Variants in NDUFS7 observed in about 807,000 individuals in gnomAD.
The protein encoded by NDUFS7 is NADH:ubiquinone oxidoreductase core subunit S7, also known as NADH dehydrogenase [ubiquinone] iron-sulfur protein 7, mitochondrial.
In NDUFS7, 11 loss-of-function variants were observed where a neutral mutation model predicts 31.1. That is an observed-to-expected ratio of 0.35 (90% CI 0.22 to 0.59). The LOEUF (loss-of-function observed/expected upper bound fraction) is 0.59. NDUFS7 is among the 20% of genes least tolerant of loss of function. The pLI, the probability that NDUFS7 is intolerant of heterozygous loss-of-function variation, is 0.79. For missense variants in NDUFS7, 263 were observed against 324.2 expected (o/e 0.81, Z 1.45); for synonymous variants, 136 against 127.9 (o/e 1.06, Z -0.43).
chr19:1,389,153 G>GCACACATGCACACTTGCA (rs759765088), intron 4 of NDUFS7: 2 of 700,052 alleles, frequency 2.9e-6, no homozygotes, highest in African/African-American at 1.8e-5. Context: ...ATGCACACTC[G>GCACACATGCACACTTGCA]CACACATGCA....
intron 6 of NDUFS7, chr19:1,392,329 T>C (rs554392339): frequency 2.0e-5 from 3 of 152,338 alleles, no homozygotes; most frequent in Non-Finnish European, 2.9e-5. Context: ...TTAAAATTTC[T>C]GTAGAGATCA....
At chr19:1,394,297 G>A in intron 7 of NDUFS7, 1 of 1,204,078 alleles carries the variant, frequency 8.3e-7, no homozygotes, top group Non-Finnish European at 1.1e-6. Flanking sequence ...CCTGTGACTT[G>A]ACAGCACAGA....
At chr19:1,389,268 C>G (rs1026664563) in intron 4 of NDUFS7, 2 of 622,804 alleles carry the variant, frequency 3.2e-6, no homozygotes, top group Non-Finnish European at 6.0e-6. Context: ...TATACACATG[C>G]ACACGCACAC....
chr19:1,390,844 C>T (rs757324088), intron 4 of NDUFS7, 27 bp from the exon 5 acceptor site: 2 of 1,601,626 alleles, frequency 1.2e-6, no homozygotes, highest in Non-Finnish European at 8.5e-7. Flanking sequence ...CCGGGGGTGG[C>T]GTCTGACCCG....
intron 7 of NDUFS7, chr19:1,394,539 G>A (rs1037230610): frequency 3.5e-5 from 44 of 1,246,282 alleles, no homozygotes; most frequent in Middle Eastern, 3.2e-4. Context: ...TGCGGACCGC[G>A]CTCCTCCCTC....
intron 7 of NDUFS7, chr19:1,394,029 C>A (rs2082575483): frequency 3.9e-6 from 1 of 258,922 alleles, no homozygotes; most frequent in South Asian, 4.2e-5. Flanking sequence ...GGAGGTGGCG[C>A]TCATGTGGGA....
chr19:1,393,378 G>A lies in NDUFS7; in HGVS notation c.544+48G>A, dbSNP rs914783845. 2 of 1,493,024 alleles carry A rather than the reference G, an allele frequency of 1.3e-6. No homozygotes were observed. Among genetic ancestry groups the A allele is most frequent in the Non-Finnish European group, 1.8e-6 (2 of 1,100,930 alleles). 92.5% of individuals were successfully genotyped at this position (1,493,024 alleles called of 1,614,324 possible). A position where few individuals can be genotyped will look rare whatever the true frequency, so the allele number is the denominator to read the frequency against. ...CACGAGGGAGCTGGAGACAGGGCCA[G>A]CGCCACACGGAGCCCGGCGGCCCCT... is the stretch of plus-strand genomic sequence containing the variant. On this transcript the variant is annotated intron_variant, in intron 7 of 7. Transcript: ENST00000233627. The surrounding 1 kb of genome is among the most constrained non-coding windows in gnomAD (Gnocchi z 7.3).
At chr19:1,391,217 C>T (rs764328283) in intron 6 of NDUFS7, 52 bp downstream of exon 6, 11 of 1,589,796 alleles carry the variant, frequency 6.9e-6, no homozygotes, top group Middle Eastern at 2.0e-4. Context: ...GAGTGCTGGC[C>T]TGGCCGTGCC....
At chr19:1,394,633 T>A in intron 7 of NDUFS7, 1 of 1,221,846 alleles carries the variant, frequency 8.2e-7, no homozygotes, top group Non-Finnish European at 1.0e-6. Context: ...CGGACCGCGC[T>A]CCTCCCTCCC....
In NDUFS7 at chr19:1,395,541, G is replaced by C; in HGVS notation, c.*53G>C. The C allele has an allele frequency of 1.9e-6, 3 of 1,545,742 alleles. No homozygotes were observed. The highest frequency in any genetic ancestry group is 1.7e-6 in the Non-Finnish European group (2 of 1,142,968). On this transcript the variant is annotated 3_prime_UTR_variant, in exon 8 of 8. Coordinates refer to ENST00000233627, the MANE Select transcript of NDUFS7 (RefSeq NM_024407.5). ...TCGCCGTCCTGTCCCCAGCCTGCTT[G>C]TGTCCCGTGAGGTTGTCAATAAACC...
intron 1 of NDUFS7, 192 bp downstream of exon 1, chr19:1,384,134 A>G: frequency 1.6e-6 from 1 of 622,016 alleles, no homozygotes; most frequent in Non-Finnish European, 2.6e-6. Context: ...CGTCCAGAGT[A>G]CAGTCGGGGA....
At chr19:1,394,112 C>T (rs1169665777) in intron 7 of NDUFS7, 1 of 339,072 alleles carries the variant, frequency 2.9e-6, no homozygotes, top group Admixed American at 4.0e-5. Flanking sequence ...GAGCCCAGCC[C>T]TGAGTCCCGA....
chr19:1,395,247 T>G, intron 7 of NDUFS7, 144 bp from the exon 8 acceptor site: 1 of 1,454,330 alleles, frequency 6.9e-7, no homozygotes, highest in Non-Finnish European at 9.1e-7. Flanking sequence ...TCCCAGTCCC[T>G]GGCACTGCGC....
intron 2 of NDUFS7, 86 bp downstream of exon 2, chr19:1,387,933 G>GGGGGGGGGGGGGT: frequency 2.6e-6 from 1 of 385,718 alleles, no homozygotes; most frequent in Non-Finnish European, 5.1e-6. Flanking sequence ...GGGGTGGGGG[G>GGGGGGGGGGGGGT]AGCGCCTTGT....
intron 2 of NDUFS7, 117 bp from the exon 3 acceptor site, chr19:1,388,408 G>C (rs1027927783): frequency 2.1e-5 from 20 of 968,018 alleles, no homozygotes; most frequent in Non-Finnish European, 2.7e-5. Flanking sequence ...AGTGTTGACA[G>C]GCAGAGGTGA....
intron 3 of NDUFS7, 68 bp downstream of exon 3, chr19:1,388,661 A>C: frequency 6.5e-7 from 1 of 1,530,692 alleles, no homozygotes; most frequent in Non-Finnish European, 8.9e-7. Flanking sequence ...TATTTTCTGC[A>C]TCAGTGCCGC....
In NDUFS7 at chr19:1,394,606, G is replaced by T. The variant is rs966689095; in HGVS notation, c.545-785G>T. On this transcript the variant is annotated intron_variant, in intron 7 of 7. Transcript: ENST00000233627. ...CCGCGCTCGGCCCTCCCTGGGGACC[G>T]CGCCCCTCCCTCCCAGCGGACCGCG... 4 of 1,214,972 alleles carry T rather than the reference G, an allele frequency of 3.3e-6. No individual in the cohort carries two copies. In the African/African-American group the frequency reaches 5.0e-5, roughly 15 times the overall value. The allele number at this position is 1,214,972 out of a possible 1,614,324, so 75.3% of individuals were successfully genotyped here. A position where few individuals can be genotyped will look rare whatever the true frequency, so the allele number is the denominator to read the frequency against.
intron 4 of NDUFS7, 60 bp downstream of exon 4, chr19:1,388,998 G>C: frequency 4.4e-6 from 6 of 1,378,430 alleles, no homozygotes; most frequent in Non-Finnish European, 6.1e-6. Context: ...ACACTCACAG[G>C]CACACACATA....
At chr19:1,388,005 G>A (rs2082521222) in intron 2 of NDUFS7, 158 bp downstream of exon 2, 3 of 751,808 alleles carry the variant, frequency 4.0e-6, no homozygotes, top group Non-Finnish European at 6.8e-6. Context: ...TGCCCGTGAT[G>A]TGCCGGGACC....
Sources: gnomAD v4.1 joint callset for allele counts on GRCh38, gnomAD v4.1.1 for gene constraint, Gnocchi (gnomAD v3.1) non-coding constraint, MANE v1.5 for transcripts, NCBI Gene and HGNC (gene_info 2026-07-23, HGNC 2026-07-21) for gene names.